DNAJC9: variants seen among roughly 807,000 people sequenced by gnomAD.
The protein encoded by DNAJC9 is dnaJ homolog subfamily C member 9.
DNAJC9 carries 18 observed loss-of-function variants against 32.4 expected under a neutral mutation model. The observed-to-expected ratio is 0.56, with a 90% confidence interval of 0.38 to 0.82. The LOEUF (loss-of-function observed/expected upper bound fraction) is 0.82. Ranked by LOEUF, DNAJC9 falls within the 40% of genes least tolerant of loss-of-function variation. The pLI, the probability that DNAJC9 is intolerant of heterozygous loss-of-function variation, is 0.00. For missense variants in DNAJC9, 310 were observed against 321.8 expected (o/e 0.96, Z 0.28); for synonymous variants, 113 against 122.1 (o/e 0.93, Z 0.49).
At chr10:73,240,967 C>T (rs1258929044), downstream of DNAJC9, 1 of 1,543,626 alleles carries the variant, frequency 6.5e-7, no homozygotes, top group African/African-American at 1.4e-5. Context: ...CATGGGTCTA[C>T]AAAATCTCAA....
downstream of DNAJC9, among the ~76,000 whole-genome samples, chr10:73,236,644 C>T (rs1698619196): frequency 6.6e-6 from 1 of 151,828 alleles, no homozygotes; most frequent in African/African-American, 2.4e-5. Flanking sequence ...GAACTCCTGA[C>T]CTCATTATCT....
At chr10:73,237,049 C>G (rs2043838651), downstream of DNAJC9, among the ~76,000 whole-genome samples, 1 of 152,130 alleles carries the variant, frequency 6.6e-6, no homozygotes, top group South Asian at 2.1e-4. Flanking sequence ...CCCTGTGTGT[C>G]TGTGTCCAGG....
intron 3 of DNAJC9, 81 bp downstream of exon 3, chr10:73,245,841 G>C: frequency 6.5e-7 from 1 of 1,535,584 alleles, no homozygotes; most frequent in Non-Finnish European, 8.8e-7. Context: ...GGAGTTTTAT[G>C]TTTACTTCTA....
At chr10:73,243,624 G>A (rs1333099840) in intron 4 of DNAJC9, 105 bp from the exon 5 acceptor site, 1 of 1,447,098 alleles carries the variant, frequency 6.9e-7, no homozygotes, top group Non-Finnish European at 9.4e-7. Flanking sequence ...TAATGGGTAT[G>A]GAGTTTTTTT....
downstream of DNAJC9, among the ~76,000 whole-genome samples, chr10:73,237,187 G>T (rs2043841071): frequency 6.6e-6 from 1 of 152,090 alleles, no homozygotes; most frequent in Non-Finnish European, 1.5e-5. Flanking sequence ...CAAGTTCCAG[G>T]TGGACATAAA....
rs1471250942 is a variant in DNAJC9 at position 73,246,169 on chromosome 10, A to G, written c.329T>C (p.Leu110Ser). Residue 110 changes from leucine to serine, a missense_variant, in exon 3 of 5, where the codon TTA becomes TCA. Physicochemically the swap from Leu to Ser is moderately radical, Grantham distance 145 (BLOSUM62 -2). Coordinates refer to ENST00000372950, the MANE Select transcript of DNAJC9 (RefSeq NM_015190.5). ...CTTTTCAAAAGCTTGAATGTCCTCT[A>G]AAGATATCTGATGATAAAGGAGATT... ...YWRLLFKKISLEDIQAFEKTY... is the reference protein window; with the variant it reads ...YWRLLFKKISSEDIQAFEKTY... 3.7e-6 allele frequency: 6 copies of G among 1,603,942 alleles called. No individual in the cohort carries two copies. Among genetic ancestry groups the G allele is most frequent in the Non-Finnish European group, 5.1e-6 (6 of 1,177,622 alleles).
At chr10:73,233,100 G>C (rs2043747508) in intron 2 of DNAJC9, 1 of 1,551,684 alleles carries the variant, frequency 6.4e-7, no homozygotes, top group African/African-American at 1.4e-5. Context: ...CATCCGATCA[G>C]CACGAGCCAT....
downstream of DNAJC9, chr10:73,240,947 T>A: frequency 1.3e-6 from 2 of 1,528,860 alleles, no homozygotes; most frequent in Non-Finnish European, 1.8e-6. Flanking sequence ...ATCTGACAGG[T>A]CCTCAGTTAC....
downstream of DNAJC9, among the ~76,000 whole-genome samples, chr10:73,236,720 C>CT (rs1333904893): frequency 1.4e-5 from 2 of 144,996 alleles, no homozygotes; most frequent in African/African-American, 5.1e-5. Context: ...CCTTTTTTTT[C>CT]TTTTCTTTTT....
intron 2 of DNAJC9, among the ~76,000 whole-genome samples, chr10:73,232,570 A>C (rs1394048639): frequency 6.6e-6 from 1 of 152,242 alleles, no homozygotes; most frequent in East Asian, 1.9e-4. Flanking sequence ...GAATGCCTCA[A>C]ACAGAGTAGG....
chr10:73,246,996 G>C lies in DNAJC9; in HGVS notation c.180+14C>G, dbSNP rs758669742. ...CCGCGCAGCCGGTCGGCTTCGGGGC[G>C]GGACCCTGCATACCTGGAAGCGGCG... On this transcript the variant is annotated intron_variant, in intron 1 of 4. Coordinates refer to ENST00000372950, the MANE Select transcript of DNAJC9 (RefSeq NM_015190.5). The C allele has an allele frequency of 1.0e-5, 16 of 1,558,826 alleles. No individual in the cohort carries two copies. Among genetic ancestry groups the C allele is most frequent in the East Asian group, 2.3e-5 (1 of 43,436 alleles).
Position 73,246,680 on chromosome 10 carries a change from T to C in DNAJC9, c.321+8A>G, listed in dbSNP as rs1262580271. On this transcript the variant is annotated splice_region_variant and intron_variant, in intron 2 of 4. Coordinates refer to ENST00000372950, the MANE Select transcript of DNAJC9 (RefSeq NM_015190.5). ...AACAGTCACAAAGAAACCTCCAGAGTCCTTTACCTTTTTAAAGAGTAGCCG... is the reference window on the plus strand; with the variant it reads ...AACAGTCACAAAGAAACCTCCAGAGCCCTTTACCTTTTTAAAGAGTAGCCG... 1 of 1,612,578 alleles carries C rather than the reference T, an allele frequency of 6.2e-7. No individual in the cohort carries two copies.
At position 73,243,826 on chromosome 10, in the gene DNAJC9, C is replaced by T; in HGVS notation, c.663+17G>A. ...AATCAGATCATTAAAGATGTGGCAA[C>T]AAACTGCCAAGTTTACCTGAATGGC... On this transcript the variant is annotated intron_variant, in intron 4 of 4. Transcript: ENST00000372950. The T allele has an allele frequency of 6.2e-7, 1 of 1,603,930 alleles. No individual in the cohort carries two copies. Among genetic ancestry groups the T allele is most frequent in the South Asian group, 1.1e-5 (1 of 89,178 alleles).
At chr10:73,235,476 A>C (rs2043800814), downstream of DNAJC9, 1 of 1,426,674 alleles carries the variant, frequency 7.0e-7, no homozygotes, top group Non-Finnish European at 9.2e-7. Flanking sequence ...ATTTTGTTCA[A>C]ATTCTAACTA....
At chr10:73,233,036 C>T (rs1372712359) in intron 2 of DNAJC9, 1 of 1,551,738 alleles carries the variant, frequency 6.4e-7, no homozygotes, top group Admixed American at 2.0e-5. Flanking sequence ...TACATCATCT[C>T]TGTCATACAC....
intron 2 of DNAJC9, chr10:73,233,250 C>A (rs2043752851): frequency 9.4e-6 from 9 of 955,536 alleles, no homozygotes; most frequent in Admixed American, 2.1e-5. Context: ...AGACTGAAAT[C>A]TATGCCTAGA....
chr10:73,236,414 T>C (rs931152165), downstream of DNAJC9, among the ~76,000 whole-genome samples: 3 of 114,376 alleles, frequency 2.6e-5, no homozygotes, highest in Admixed American at 7.9e-5. Context: ...AATTTCTGCC[T>C]TTTTTTTTTT....
chr10:73,240,746 T>C (rs1229348254), downstream of DNAJC9, among the ~76,000 whole-genome samples: 3 of 151,718 alleles, frequency 2.0e-5, no homozygotes, highest in Non-Finnish European at 2.9e-5. Flanking sequence ...GTATAACTTA[T>C]GTAACACTGA....
At chr10:73,235,313 T>C (rs1458735654), downstream of DNAJC9, 40 of 1,551,864 alleles carry the variant, frequency 2.6e-5, no homozygotes, top group Non-Finnish European at 3.2e-5. Context: ...AACTCAATCA[T>C]TTTTGGTAGA....
Sources: allele counts gnomAD v4.1 joint callset (sites outside exome capture counted in the v4.1 genomes callset), GRCh38; gene constraint gnomAD v4.1.1; transcripts MANE v1.5; gene names NCBI Gene and HGNC (gene_info 2026-07-23, HGNC 2026-07-21).